The following FMNL2 variants were observed in gnomAD, a reference collection of about 807,000 sequenced individuals.
FMNL2 encodes the protein formin-like protein 2.
A neutral mutation model predicts 130.2 loss-of-function variants in FMNL2; 51 were observed. That is an observed-to-expected ratio of 0.39 (90% CI 0.31 to 0.49). The LOEUF (loss-of-function observed/expected upper bound fraction) is 0.49. Ranked by LOEUF, FMNL2 falls within the 20% of genes least tolerant of loss-of-function variation. FMNL2 has a pLI of 0.85. For missense variants in FMNL2, 977 were observed against 1,316.2 expected, an observed-to-expected ratio of 0.74 and a Z score of 3.99; for synonymous variants, 465 against 467.1, an observed-to-expected ratio of 1.00 and a Z score of 0.06.
chr2:152,439,096 TGTGTG>T (rs1687923630), intron 1 of FMNL2, among the ~76,000 whole-genome samples: 2 of 151,874 alleles, frequency 1.3e-5, no homozygotes, highest in Admixed American at 1.3e-4. Flanking sequence ...TGTGTGTGTG[TGTGTG>T]TGTGTGTGTG....
intron 2 of FMNL2, among the ~76,000 whole-genome samples, chr2:152,525,088 A>G (rs759992274): frequency 6.6e-6 from 1 of 152,170 alleles, no homozygotes; most frequent in East Asian, 1.9e-4. Context: ...GGCCAATGCC[A>G]AGGTCACCCA....
intron 1 of FMNL2, among the ~76,000 whole-genome samples, chr2:152,387,745 T>C (rs765927760): frequency 1.3e-5 from 2 of 152,122 alleles, no homozygotes; most frequent in African/African-American, 2.4e-5. Context: ...CCTCAAACTT[T>C]TGGACTCAAG....
chr2:152,558,326 C>T (rs1360849144), intron 4 of FMNL2, among the ~76,000 whole-genome samples: 1 of 152,144 alleles, frequency 6.6e-6, no homozygotes, highest in Admixed American at 6.6e-5. Context: ...TGGAATCCCG[C>T]CTGGATTTTT....
chr2:152,435,378 A>G (rs1687697646), intron 1 of FMNL2, among the ~76,000 whole-genome samples: 1 of 152,220 alleles, frequency 6.6e-6, no homozygotes, highest in South Asian at 2.1e-4. Flanking sequence ...AATAATTTGT[A>G]TGCAGCAAAA....
chr2:152,647,780 A>G lies in FMNL2; in HGVS notation c.3170-16A>G. The G allele has an allele frequency of 1.2e-6, 2 of 1,612,660 alleles. No homozygotes were observed. Among genetic ancestry groups the G allele is most frequent in the Admixed American group, 1.7e-5 (1 of 59,994 alleles). Reference sequence around the variant, plus strand: ...TAAAGGTTGCTATTCTCTCACTGGCACTCTCCCCTTTACAGATCTTAGAAA... The same window carrying G: ...TAAAGGTTGCTATTCTCTCACTGGCGCTCTCCCCTTTACAGATCTTAGAAA... On this transcript the variant is annotated splice_polypyrimidine_tract_variant and intron_variant, in intron 25 of 25. Coordinates refer to ENST00000288670, the MANE Select transcript of FMNL2 (RefSeq NM_052905.4).
chr2:152,344,479 AT>A (rs1229674303), intron 1 of FMNL2, among the ~76,000 whole-genome samples: 2 of 152,256 alleles, frequency 1.3e-5, no homozygotes, highest in Non-Finnish European at 2.9e-5. Context: ...AGTTAAAAAA[AT>A]GAAAGATATT....
rs182435799 is a variant in FMNL2 at position 152,601,595 on chromosome 2, C to T, written c.877-5744C>T. Among the ~76,000 whole-genome samples the T allele has an allele frequency of 2.5e-3, 381 of 151,738 alleles. 2 individuals are homozygous for T. The highest frequency in any genetic ancestry group is 8.8e-3 in the African/African-American group (364 of 41,412). On this transcript the variant is annotated intron_variant, in intron 9 of 25. Coordinates refer to ENST00000288670, the MANE Select transcript of FMNL2 (RefSeq NM_052905.4). ...GGATTACAGGCATGAGCCACCGCGC[C>T]GGCCGATTGCTTTCTTAAAGTATGG...
intron 1 of FMNL2, among the ~76,000 whole-genome samples, chr2:152,414,825 A>G (rs911784768): frequency 4.6e-5 from 7 of 152,206 alleles, no homozygotes; most frequent in African/African-American, 2.4e-5. Context: ...GCCCTCTTTC[A>G]TGTGCATTCA....
intron 3 of FMNL2, among the ~76,000 whole-genome samples, chr2:152,547,489 A>C (rs1254304451): frequency 6.6e-6 from 1 of 152,110 alleles, no homozygotes; most frequent in African/African-American, 2.4e-5. Flanking sequence ...TGGGAATGGC[A>C]TTTATGGAGG....
chr2:152,623,583 G>GAGGC (rs754074347), intron 15 of FMNL2, among the ~76,000 whole-genome samples: 1 of 152,122 alleles, frequency 6.6e-6, no homozygotes, highest in African/African-American at 2.4e-5. Flanking sequence ...AACGCCAACT[G>GAGGC]AGGCAGGCAG....
chr2:152,633,257 A>G (rs990592637), intron 21 of FMNL2, among the ~76,000 whole-genome samples: 16 of 151,806 alleles, frequency 1.1e-4, no homozygotes, highest in Admixed American at 9.2e-4. Context: ...CACTATGCCC[A>G]GCTAATTTTT....
At chr2:152,635,775 G>A (rs995174688) in intron 21 of FMNL2, among the ~76,000 whole-genome samples, 1 of 152,234 alleles carries the variant, frequency 6.6e-6, no homozygotes, top group African/African-American at 2.4e-5. Flanking sequence ...TTGCTGAATA[G>A]GGAGGGGTTG....
chr2:152,394,355 G>T (rs6760818), intron 1 of FMNL2, among the ~76,000 whole-genome samples: 1 of 152,096 alleles, frequency 6.6e-6, no homozygotes, highest in East Asian at 1.9e-4. Flanking sequence ...CAAACCAATT[G>T]TGGGTTGCTT....
chr2:152,468,683 T>A (rs1689689082), intron 1 of FMNL2, among the ~76,000 whole-genome samples: 1 of 152,230 alleles, frequency 6.6e-6, no homozygotes, highest in Admixed American at 6.5e-5. Context: ...GTTTCTTCTT[T>A]TTACTTTTTA....
intron 1 of FMNL2, among the ~76,000 whole-genome samples, chr2:152,465,028 G>A (rs1244042360): frequency 1.3e-5 from 2 of 152,176 alleles, no homozygotes; most frequent in South Asian, 2.1e-4. Context: ...AGCTTAGCAG[G>A]GAACTCAGCC....
chr2:152,644,735 A>C (rs1559037406), intron 25 of FMNL2, among the ~76,000 whole-genome samples: 1 of 152,192 alleles, frequency 6.6e-6, no homozygotes, highest in Non-Finnish European at 1.5e-5. Flanking sequence ...TTCTTCTGTG[A>C]TCAGATCATA....
At chr2:152,528,533 T>C (rs570996120) in intron 2 of FMNL2, among the ~76,000 whole-genome samples, 2 of 152,358 alleles carry the variant, frequency 1.3e-5, no homozygotes, top group Non-Finnish European at 2.9e-5. Flanking sequence ...TCTCCTCGTC[T>C]CTGTGTCTTT....
chr2:152,397,152 C>T (rs1385204493), intron 1 of FMNL2, among the ~76,000 whole-genome samples: 27 of 152,132 alleles, frequency 1.8e-4, no homozygotes, highest in African/African-American at 4.8e-5. Flanking sequence ...TAGGGTTCAC[C>T]AAATCCTGCT....
chr2:152,529,396 C>G (rs1358485682), intron 2 of FMNL2, among the ~76,000 whole-genome samples: 1 of 152,106 alleles, frequency 6.6e-6, no homozygotes, highest in African/African-American at 2.4e-5. Context: ...CATTTTGTAT[C>G]TTTGCTACTT....
Sources: gnomAD v4.1 joint callset for allele counts (sites outside exome capture counted in the v4.1 genomes callset) on GRCh38, gnomAD v4.1.1 for gene constraint, MANE v1.5 for transcripts, NCBI Gene and HGNC (gene_info 2026-07-23, HGNC 2026-07-21) for gene names.